The following IGF2BP2 variants were observed in gnomAD, a reference collection of about 807,000 sequenced individuals.
The protein encoded by IGF2BP2 is insulin-like growth factor 2 mRNA-binding protein 2.
In IGF2BP2, 17 loss-of-function variants were observed where a neutral mutation model predicts 75.8. That is an observed-to-expected ratio of 0.22 (90% CI 0.15 to 0.34). The LOEUF (loss-of-function observed/expected upper bound fraction) is 0.34. Ranked by LOEUF, IGF2BP2 falls within the 10% of genes least tolerant of loss-of-function variation. The pLI, the probability that IGF2BP2 is intolerant of heterozygous loss-of-function variation, is 1.00. For synonymous variants in IGF2BP2, 288 were observed against 295.6 expected, an observed-to-expected ratio of 0.97 and a Z score of 0.26; for missense variants, 516 against 772.4, an observed-to-expected ratio of 0.67 and a Z score of 3.93.
intron 2 of IGF2BP2, among the ~76,000 whole-genome samples, chr3:185,792,450 C>T (rs1352383796): frequency 6.6e-6 from 1 of 151,498 alleles, no homozygotes; most frequent in Non-Finnish European, 1.5e-5. Context: ...ACTAAGAATA[C>T]AAAAATTATT....
chr3:185,675,188 G>T lies in IGF2BP2; in HGVS notation c.1071+108C>A, dbSNP rs74962088. ...TATTTTAATGCTTTTATCCTAGGAA[G>T]TCAGGAAAAACTCTGCATACCTATC... On this transcript the variant is annotated intron_variant, in intron 9 of 15. Coordinates refer to ENST00000382199, the MANE Select transcript of IGF2BP2 (RefSeq NM_006548.6). The T allele has an allele frequency of 0.016, 17,625 of 1,099,412 alleles. 1,188 individuals are homozygous for T. In the Admixed American group the frequency reaches 0.17, roughly 11 times the overall value. The allele number at this position is 1,099,412 out of a possible 1,614,324, so 68.1% of individuals were successfully genotyped here.
At chr3:185,711,499 C>T (rs1474025259) in intron 2 of IGF2BP2, among the ~76,000 whole-genome samples, 3 of 152,202 alleles carry the variant, frequency 2.0e-5, no homozygotes, top group Admixed American at 2.0e-4. Flanking sequence ...GCATCTGTCT[C>T]GGTTCCTGAG....
At chr3:185,658,017 G>A (rs540142218) in intron 11 of IGF2BP2, among the ~76,000 whole-genome samples, 2 of 152,170 alleles carry the variant, frequency 1.3e-5, no homozygotes, top group South Asian at 4.1e-4. Flanking sequence ...TTTGTTCAAA[G>A]ATCTTTGGAA....
At chr3:185,809,456 C>G (rs1739505226) in intron 2 of IGF2BP2, among the ~76,000 whole-genome samples, 2 of 152,070 alleles carry the variant, frequency 1.3e-5, no homozygotes, top group Non-Finnish European at 2.9e-5. Flanking sequence ...TCCACTAAGG[C>G]CAAAGATTCA....
chr3:185,768,627 TCAG>T (rs1733426649), intron 2 of IGF2BP2, among the ~76,000 whole-genome samples: 1 of 152,252 alleles, frequency 6.6e-6, no homozygotes, highest in Non-Finnish European at 1.5e-5. Flanking sequence ...AGCTTCAAAT[TCAG>T]CAATTTGTAG....
At chr3:185,745,691 G>T (rs2149594090) in intron 2 of IGF2BP2, among the ~76,000 whole-genome samples, 1 of 152,306 alleles carries the variant, frequency 6.6e-6, no homozygotes, top group South Asian at 2.1e-4. Context: ...CCATAGAGAA[G>T]ACACTCACAA....
chr3:185,788,197 T>C (rs1736148117), intron 2 of IGF2BP2, among the ~76,000 whole-genome samples: 1 of 152,200 alleles, frequency 6.6e-6, no homozygotes, highest in African/African-American at 2.4e-5. Context: ...TGAAGGCAGG[T>C]GGATTCTAGG....
At chr3:185,785,202 G>A (rs1000207173) in intron 2 of IGF2BP2, among the ~76,000 whole-genome samples, 2 of 151,676 alleles carry the variant, frequency 1.3e-5, no homozygotes, top group Non-Finnish European at 2.9e-5. Flanking sequence ...TCGGGAGGTT[G>A]AGGCAGGAGA....
At chr3:185,646,969 TAGC>T in intron 15 of IGF2BP2, 53 bp downstream of exon 15, 1 of 1,342,318 alleles carries the variant, frequency 7.4e-7, no homozygotes, top group South Asian at 1.2e-5. Flanking sequence ...ACCAGCAGCT[TAGC>T]AGAGAATTGA....
At chr3:185,761,892 G>C (rs2149697424) in intron 2 of IGF2BP2, among the ~76,000 whole-genome samples, 1 of 152,194 alleles carries the variant, frequency 6.6e-6, no homozygotes, top group East Asian at 1.9e-4. Context: ...AGGGGGCACG[G>C]AGTGAAAAAC....
chr3:185,652,852 C>T (rs1385868594), intron 12 of IGF2BP2, among the ~76,000 whole-genome samples: 1 of 152,188 alleles, frequency 6.6e-6, no homozygotes, highest in Non-Finnish European at 1.5e-5. Flanking sequence ...CACTTTCTTG[C>T]CCAGGCTGGA....
At position 185,729,838 on chromosome 3, in the gene IGF2BP2, T is replaced by C. The variant is rs371262761; in HGVS notation, c.240-31491A>G. 5.3e-5 allele frequency: 8 copies of C among 152,364 alleles called. No individual in the cohort carries two copies. The South Asian group carries it at 8.3e-4, about 16-fold the overall frequency. The allele number at this position is 152,364 out of a possible 1,614,324, so 9.4% of individuals were successfully genotyped here. ...TTCATATTTTTCAACCAAAATAATGTATTGCATCAGATTGAGTGCAGAGGC... is the reference window on the plus strand; with the variant it reads ...TTCATATTTTTCAACCAAAATAATGCATTGCATCAGATTGAGTGCAGAGGC... On this transcript the variant is annotated intron_variant, in intron 2 of 15. Transcript: ENST00000382199.
At chr3:185,822,398 AC>A (rs1372006985) in intron 2 of IGF2BP2, among the ~76,000 whole-genome samples, 3 of 152,214 alleles carry the variant, frequency 2.0e-5, no homozygotes, top group Non-Finnish European at 4.4e-5. Context: ...TCCACAATAA[AC>A]TTTAAACAAA....
intron 9 of IGF2BP2, 150 bp downstream of exon 9, chr3:185,675,146 C>A: frequency 1.6e-6 from 1 of 609,678 alleles, no homozygotes; most frequent in Non-Finnish European, 2.7e-6. Context: ...TCATAATTTA[C>A]TAGTTGGTTT....
At chr3:185,677,068 T>TATAGAGAGAGAGAG in intron 7 of IGF2BP2, among the ~76,000 whole-genome samples, 16 of 35,858 alleles carry the variant, frequency 4.5e-4, no homozygotes, top group African/African-American at 1.9e-3. Context: ...TATATATATA[T>TATAGAGAGAGAGAG]AGAGAGAGAG....
chr3:185,698,427 G>A (rs533439628), intron 2 of IGF2BP2, 80 bp from the exon 3 acceptor site: 96 of 1,325,754 alleles, frequency 7.2e-5, no homozygotes, highest in South Asian at 7.2e-4. Flanking sequence ...GCTTAAACCC[G>A]TCATTTGAAT....
chr3:185,718,365 T>C (rs1321903527), intron 2 of IGF2BP2, among the ~76,000 whole-genome samples: 1 of 152,092 alleles, frequency 6.6e-6, no homozygotes, highest in East Asian at 1.9e-4. Flanking sequence ...TGGGATGTGG[T>C]TCCAGGGCTA....
chr3:185,698,294 C>A lies in IGF2BP2; in HGVS notation c.288+5G>T. On this transcript the variant is annotated splice_donor_5th_base_variant and intron_variant, in intron 3 of 15. Coordinates refer to ENST00000382199, the MANE Select transcript of IGF2BP2 (RefSeq NM_006548.6). The stretch of plus-strand genomic sequence containing the variant: ...TCAACCCATTAAAAATTGACACTGG[C>A]TTACCTCCCACTGCAGGTGAGGAGG... 1 of 1,613,446 alleles carries A rather than the reference C, an allele frequency of 6.2e-7. No individual in the cohort carries two copies. The highest frequency in any genetic ancestry group is 8.5e-7 in the Non-Finnish European group (1 of 1,179,494).
chr3:185,784,171 G>A (rs1735564676), intron 2 of IGF2BP2, among the ~76,000 whole-genome samples: 3 of 152,148 alleles, frequency 2.0e-5, no homozygotes, highest in Non-Finnish European at 4.4e-5. Context: ...GGAGACAGAG[G>A]TTATAGTGAG....
Sources: gnomAD v4.1 joint callset for allele counts (sites outside exome capture counted in the v4.1 genomes callset) on GRCh38, gnomAD v4.1.1 for gene constraint, MANE v1.5 for transcripts, NCBI Gene and HGNC (gene_info 2026-07-23, HGNC 2026-07-21) for gene names.